The following RBFOX3 variants were observed in gnomAD, a reference collection of about 807,000 sequenced individuals.
The protein encoded by RBFOX3 is RNA binding protein fox-1 homolog 3.
Under a neutral mutation model 48.7 loss-of-function variants are expected in RBFOX3, and 17 were observed. The ratio of observed to expected loss-of-function variants is 0.35; its 90% CI spans 0.24 to 0.52. RBFOX3 has a LOEUF of 0.52. RBFOX3 is among the 20% of genes least tolerant of loss of function. The probability of loss-of-function intolerance (pLI) is 0.94; values close to 1 mark genes in which losing one functional copy is unlikely to be tolerated. For synonymous variants in RBFOX3, 212 were observed against 209.5 expected, an observed-to-expected ratio of 1.01 and a Z score of -0.10; for missense variants, 382 against 497.5, an observed-to-expected ratio of 0.77 and a Z score of 2.21.
rs1555728927 is a variant in RBFOX3 at position 79,432,443 on chromosome 17, A to T, written c.-175+50011T>A. On this transcript the variant is annotated intron_variant, in intron 2 of 14. Transcript: ENST00000693108. ...TGGAGGAGCTAACCATACCCACATCAGTCACCTGGGTTGGTGGGACATCTG... is the reference window on the plus strand; with the variant it reads ...TGGAGGAGCTAACCATACCCACATCTGTCACCTGGGTTGGTGGGACATCTG... 2.6e-5 allele frequency among the ~76,000 whole-genome samples: 4 copies of T among 152,334 alleles called. No homozygotes were observed. In the East Asian group the frequency reaches 5.8e-4, roughly 22 times the overall value.
At chr17:79,383,254 A>T (rs1038757321) in intron 2 of RBFOX3, among the ~76,000 whole-genome samples, 2 of 152,188 alleles carry the variant, frequency 1.3e-5, no homozygotes, top group Admixed American at 6.5e-5. Flanking sequence ...TCCTTCACCC[A>T]GGTTGTCCGG....
intron 4 of RBFOX3, among the ~76,000 whole-genome samples, chr17:79,118,487 G>A (rs1357776135): frequency 2.6e-5 from 4 of 152,106 alleles, no homozygotes; most frequent in African/African-American, 9.7e-5. Flanking sequence ...GGGGTGGAGA[G>A]CATCTAGAAC....
At chr17:79,621,781 G>A in the RBFOX3 span, among the ~76,000 whole-genome samples, 2 of 152,176 alleles carry the variant, frequency 1.3e-5, no homozygotes, top group African/African-American at 2.4e-5. Context: ...CTGCTAGCAC[G>A]TGTTACTAGG....
chr17:79,556,380 C>T (rs1293124583), intron 1 of RBFOX3, among the ~76,000 whole-genome samples: 1 of 152,050 alleles, frequency 6.6e-6, no homozygotes, highest in Non-Finnish European at 1.5e-5. Context: ...GAGGAGTGCC[C>T]GTGTGGCTCC....
intron 14 of RBFOX3, chr17:79,092,482 T>A: frequency 5.1e-6 from 5 of 985,998 alleles, no homozygotes; most frequent in Non-Finnish European, 6.0e-6. Context: ...CAGCCGTGCG[T>A]GTCGCTGACC....
At chr17:79,121,499 T>C (rs2612793) in intron 4 of RBFOX3, among the ~76,000 whole-genome samples, 137,613 of 152,186 alleles carry the variant, frequency 0.9, 62,477 homozygotes, top group Non-Finnish European at 0.95. Context: ...TCCAAGCCAG[T>C]GTTCCGAGGC....
chr17:79,330,360 G>A (rs571307331), intron 2 of RBFOX3, among the ~76,000 whole-genome samples: 7 of 152,088 alleles, frequency 4.6e-5, no homozygotes, highest in Non-Finnish European at 1.0e-4. Context: ...AATTGCCCTA[G>A]GACTACACAG....
chr17:79,477,474 T>C lies in RBFOX3; in HGVS notation c.-175+4980A>G, dbSNP rs1178228592. On this transcript the variant is annotated intron_variant, in intron 2 of 14. Coordinates refer to ENST00000693108, the MANE Select transcript of RBFOX3 (RefSeq NM_001350451.2). The surrounding 1 kb of genome is among the most constrained non-coding windows in gnomAD (Gnocchi z 4.8). ...GGGAGGCTGAGGCAGGAGAATGGCG[T>C]GAACCCGGGAGGCGGAGTTTGCAGT... Among the ~76,000 whole-genome samples, 1 of 151,182 alleles carries C rather than the reference T, an allele frequency of 6.6e-6. No homozygotes were observed. The highest frequency in any genetic ancestry group is 1.5e-5 in the Non-Finnish European group (1 of 67,886).
intron 1 of RBFOX3, among the ~76,000 whole-genome samples, chr17:79,491,591 C>A (rs1327265925): frequency 3.9e-5 from 6 of 152,090 alleles, no homozygotes; most frequent in Non-Finnish European, 7.4e-5. Context: ...CGCAAGCCAC[C>A]TCCCGGGTTT....
chr17:79,567,829 A>C (rs985685579), intron 1 of RBFOX3, among the ~76,000 whole-genome samples: 125 of 152,346 alleles, frequency 8.2e-4, no homozygotes, highest in African/African-American at 2.9e-3. Context: ...AGGGCTAGCC[A>C]AGTCAAATCA....
chr17:79,183,360 G>C (rs377331939), intron 4 of RBFOX3: 1 of 152,354 alleles, frequency 6.6e-6, no homozygotes, highest in Non-Finnish European at 1.5e-5. Context: ...TCGCCATGGA[G>C]CACAGCATGG....
intron 3 of RBFOX3, among the ~76,000 whole-genome samples, chr17:79,250,714 G>C (rs867544668): frequency 6.6e-6 from 1 of 152,106 alleles, no homozygotes; most frequent in African/African-American, 2.4e-5. Context: ...CCCTTCGGCA[G>C]CCACCCCTGT....
intron 2 of RBFOX3, among the ~76,000 whole-genome samples, chr17:79,309,566 G>C (rs545010208): frequency 1.3e-5 from 2 of 152,278 alleles, no homozygotes; most frequent in Non-Finnish European, 2.9e-5. Flanking sequence ...CCCAACCATC[G>C]TATGGGAAGC....
chr17:79,605,714 T>C (rs1248460713), intron 1 of RBFOX3, among the ~76,000 whole-genome samples: 2 of 152,258 alleles, frequency 1.3e-5, no homozygotes, highest in Admixed American at 1.3e-4. Flanking sequence ...GAATATGTTC[T>C]GAGCACAAAT....
intron 4 of RBFOX3, among the ~76,000 whole-genome samples, chr17:79,228,811 C>T (rs1000486194): frequency 5.9e-5 from 9 of 152,184 alleles, no homozygotes; most frequent in Non-Finnish European, 5.9e-5. Context: ...AGTCCAAACA[C>T]GTGTGCGCAT....
intron 2 of RBFOX3, among the ~76,000 whole-genome samples, chr17:79,349,869 G>A (rs538846839): frequency 1.1e-3 from 161 of 151,634 alleles, no homozygotes; most frequent in Non-Finnish European, 1.8e-3. Flanking sequence ...TGAGCCCCCC[G>A]GGGCAGGCAC....
At chr17:79,278,832 T>C (rs1257428624) in intron 3 of RBFOX3, among the ~76,000 whole-genome samples, 1 of 152,224 alleles carries the variant, frequency 6.6e-6, no homozygotes, top group Non-Finnish European at 1.5e-5. Context: ...AGTGATCTCC[T>C]GGCCCAGCCC....
upstream of RBFOX3, among the ~76,000 whole-genome samples, chr17:79,611,849 T>C (rs2093972175): frequency 6.6e-6 from 1 of 152,216 alleles, no homozygotes; most frequent in Non-Finnish European, 1.5e-5. Context: ...CATTTCCACC[T>C]GTGCCTGGCT....
At chr17:79,368,363 A>C (rs1323546908) in intron 2 of RBFOX3, among the ~76,000 whole-genome samples, 1 of 152,250 alleles carries the variant, frequency 6.6e-6, no homozygotes, top group Non-Finnish European at 1.5e-5. Context: ...GGGACCAGGA[A>C]GCCAGGATCC....
Sources: allele counts gnomAD v4.1 joint callset (sites outside exome capture counted in the v4.1 genomes callset), GRCh38; gene constraint gnomAD v4.1.1; non-coding constraint Gnocchi (gnomAD v3.1); transcripts MANE v1.5; gene names NCBI Gene and HGNC (gene_info 2026-07-23, HGNC 2026-07-21).